The following YIPF6 variants were observed in gnomAD, a reference collection of about 807,000 sequenced individuals.
YIPF6 encodes the protein Yip1 domain family member 6, also known as protein YIPF6.
Under a neutral mutation model 16.8 loss-of-function variants are expected in YIPF6, and 3 were observed. That is an observed-to-expected ratio of 0.18 (90% CI 0.08 to 0.46). The LOEUF is 0.46. Among genes scored for constraint, YIPF6 ranks in the 20% least tolerant of loss-of-function variants. The pLI, the probability that YIPF6 is intolerant of heterozygous loss-of-function variation, is 0.98. For synonymous variants in YIPF6, 67 were observed against 61.9 expected, an observed-to-expected ratio of 1.08 and a Z score of -0.38; for missense variants, 145 against 184.9, an observed-to-expected ratio of 0.78 and a Z score of 1.25.
At chrX:68,523,604 C>T (rs1369472267) in intron 6 of YIPF6, among the ~76,000 whole-genome samples, 1 of 112,297 alleles carries the variant, frequency 8.9e-6, no homozygotes, top group Non-Finnish European at 1.9e-5. Context: ...ATAATGAATG[C>T]TATGTGCTCA....
chrX:68,509,105 T>G (rs1480567608), intron 1 of YIPF6, among the ~76,000 whole-genome samples: 1 of 109,006 alleles, frequency 9.2e-6, no homozygotes, highest in Admixed American at 1.0e-4. Context: ...TGTTTTGTTT[T>G]TTGTTGTTGT....
rs1476296084 is a variant in YIPF6, at chrX:68,506,059, GTCTTT to G, written c.58-5785_58-5781del. 1.6e-3 allele frequency among the ~76,000 whole-genome samples: 181 copies of G among 110,415 alleles called. 3 individuals are homozygous for G. Among genetic ancestry groups the G allele is most frequent in the African/African-American group, 5.7e-3 (174 of 30,469 alleles). On this transcript the variant is annotated intron_variant, in intron 1 of 6. Transcript: ENST00000462683. Reference sequence around the variant, plus strand: ...TCTTCCAGTCTGTAATGGTTCTTCAGTCTTTTCTTATCTTTCATAATCTTTTCTGA... The same window carrying G: ...TCTTCCAGTCTGTAATGGTTCTTCAGTCTTATCTTTCATAATCTTTTCTGA...
intron 4 of YIPF6, among the ~76,000 whole-genome samples, chrX:68,519,108 A>T (rs745981069): frequency 1.8e-5 from 2 of 112,231 alleles, no homozygotes; most frequent in East Asian, 5.6e-4. Context: ...TATTAAACTA[A>T]GTGAATTAAG....
At chrX:68,528,959 G>A (rs1032135631) in intron 6 of YIPF6, among the ~76,000 whole-genome samples, 3 of 110,827 alleles carry the variant, frequency 2.7e-5, no homozygotes, top group Admixed American at 1.9e-4. Context: ...TGTGTCTTGG[G>A]GTTGTTCTTC....
At chrX:68,519,665 C>T (rs191930987) in intron 4 of YIPF6, among the ~76,000 whole-genome samples, 20 of 109,896 alleles carry the variant, frequency 1.8e-4, no homozygotes, top group African/African-American at 6.0e-4. Flanking sequence ...CACTCTGGGT[C>T]GCCTCTTCCA....
intron 1 of YIPF6, among the ~76,000 whole-genome samples, chrX:68,504,622 T>C (rs2079053070): frequency 8.9e-6 from 1 of 112,369 alleles, no homozygotes; most frequent in East Asian, 2.8e-4. Flanking sequence ...TTCTTTATTA[T>C]ACAGTAGTGA....
intron 4 of YIPF6, among the ~76,000 whole-genome samples, chrX:68,520,740 G>GGCTCCCAA (rs1331315635): frequency 8.9e-6 from 1 of 111,850 alleles, no homozygotes; most frequent in African/African-American, 3.2e-5. Flanking sequence ...CCAAAGTGCT[G>GGCTCCCAA]AGATTACAGG....
intron 1 of YIPF6, among the ~76,000 whole-genome samples, chrX:68,499,408 C>T (rs755470378): frequency 1.7e-4 from 19 of 112,169 alleles, no homozygotes; most frequent in African/African-American, 4.5e-4. Context: ...AAATGGCGAA[C>T]TTTAGGTGAT....
chrX:68,517,521 G>T (rs903789060), intron 3 of YIPF6, among the ~76,000 whole-genome samples: 12 of 112,395 alleles, frequency 1.1e-4, no homozygotes, highest in African/African-American at 3.9e-4. Flanking sequence ...GCAGTTTTCA[G>T]AAAGCTTTCA....
Position 68,535,113 on chromosome X carries a change from C to T in YIPF6, c.*3114C>T, listed in dbSNP as rs2079186554. 1 of 112,437 alleles carries T rather than the reference C, an allele frequency of 8.9e-6. No individual in the cohort carries two copies. Among genetic ancestry groups the T allele is most frequent in the South Asian group, 3.7e-4 (1 of 2,729 alleles). The allele number at this position is 112,437 out of a possible 1,213,427, so 9.3% of individuals were successfully genotyped here. On this transcript the variant is annotated 3_prime_UTR_variant, in exon 7 of 7. Coordinates refer to ENST00000462683, the MANE Select transcript of YIPF6 (RefSeq NM_173834.4). ...GTCTTTTGCCTCTAAAGTCTTTTGCCTCTGAAGAGGTTTATTACATGAGTT... is the reference window on the plus strand; with the variant it reads ...GTCTTTTGCCTCTAAAGTCTTTTGCTTCTGAAGAGGTTTATTACATGAGTT...
rs2079185934 is a variant in YIPF6, at chrX:68,535,000, T to G, written c.*3001T>G. On this transcript the variant is annotated 3_prime_UTR_variant, in exon 7 of 7. Transcript: ENST00000462683. ...CAATAGGACGGGTAAAGACTGGATT[T>G]AATTGCTGTTCAGAGTATAAAAACT... The G allele has an allele frequency of 8.9e-6, 1 of 112,663 alleles. No homozygotes were observed. The highest frequency in any genetic ancestry group is 1.9e-5 in the Non-Finnish European group (1 of 53,399). 9.3% of individuals were successfully genotyped at this position (112,663 alleles called of 1,213,427 possible).
chrX:68,512,391 G>T (rs1460024709), intron 2 of YIPF6, among the ~76,000 whole-genome samples: 1 of 110,153 alleles, frequency 9.1e-6, no homozygotes, highest in African/African-American at 3.3e-5. Context: ...GGCTGAGGTT[G>T]CAGTGAGCCG....
At chrX:68,530,420 G>A (rs1473979826) in intron 6 of YIPF6, among the ~76,000 whole-genome samples, 3 of 110,857 alleles carry the variant, frequency 2.7e-5, no homozygotes, top group East Asian at 2.9e-4. Flanking sequence ...GGTGGGATCC[G>A]TTGAGCTAGA....
intron 1 of YIPF6, 93 bp from the exon 2 acceptor site, chrX:68,511,756 A>C: frequency 1.9e-6 from 2 of 1,043,641 alleles, no homozygotes; most frequent in South Asian, 5.3e-5. Flanking sequence ...ACCCTACAAA[A>C]TACATGGTCC....
At chrX:68,524,478 CATTT>C (rs1257433468) in intron 6 of YIPF6, among the ~76,000 whole-genome samples, 1 of 108,084 alleles carries the variant, frequency 9.3e-6, no homozygotes, top group Admixed American at 1.0e-4. Context: ...TGATTATTTT[CATTT>C]ATTTATTTAT....
At chrX:68,520,388 G>A (rs2079121041) in intron 4 of YIPF6, among the ~76,000 whole-genome samples, 1 of 112,465 alleles carries the variant, frequency 8.9e-6, no homozygotes, top group East Asian at 2.8e-4. Context: ...CAATTCCAAA[G>A]CAAAACCCTT....
chrX:68,508,636 T>G (rs2079068721), intron 1 of YIPF6, among the ~76,000 whole-genome samples: 1 of 112,470 alleles, frequency 8.9e-6, no homozygotes, highest in Admixed American at 9.5e-5. Flanking sequence ...TATCTGTTAC[T>G]ATGTTCATGT....
At chrX:68,511,751 A>G (rs1461679271) in intron 1 of YIPF6, 98 bp from the exon 2 acceptor site, 2 of 1,025,584 alleles carry the variant, frequency 2.0e-6, no homozygotes, top group African/African-American at 1.9e-5. Flanking sequence ...GTAAAACCCT[A>G]CAAAATACAT....
intron 1 of YIPF6, among the ~76,000 whole-genome samples, chrX:68,503,703 C>T (rs2079049198): frequency 8.9e-6 from 1 of 112,227 alleles, no homozygotes; most frequent in Admixed American, 9.5e-5. Flanking sequence ...TCTTCAGACA[C>T]CAGCCACAAT....
Sources: gnomAD v4.1 joint callset for allele counts (sites outside exome capture counted in the v4.1 genomes callset) on GRCh38, gnomAD v4.1.1 for gene constraint, MANE v1.5 for transcripts, NCBI Gene and HGNC (gene_info 2026-07-23, HGNC 2026-07-21) for gene names.